Variants in DGKG observed in about 807,000 individuals in gnomAD.
DGKG encodes the protein diacylglycerol kinase gamma, also known as DAG kinase gamma.
In DGKG, 78 loss-of-function variants were observed where a neutral mutation model predicts 105.3. The observed-to-expected ratio is 0.74, with a 90% CI of 0.62 to 0.89. DGKG has a LOEUF of 0.89. Among genes scored for constraint, DGKG ranks in the 40% least tolerant of loss-of-function variants. The probability of loss-of-function intolerance (pLI) is 0.00; values close to 1 mark genes in which losing one functional copy is unlikely to be tolerated. For missense variants in DGKG, 958 were observed against 1,020.1 expected (o/e 0.94, Z 0.83); for synonymous variants, 346 against 367.1 (o/e 0.94, Z 0.66).
At chr3:186,173,381 C>G (rs1716921447) in intron 22 of DGKG, among the ~76,000 whole-genome samples, 1 of 152,250 alleles carries the variant, frequency 6.6e-6, no homozygotes, top group African/African-American at 2.4e-5. Flanking sequence ...GAGAAGCTGA[C>G]AAGCGCTGGG....
intron 22 of DGKG, among the ~76,000 whole-genome samples, chr3:186,181,948 G>T (rs1379351834): frequency 6.6e-6 from 1 of 152,238 alleles, no homozygotes; most frequent in Non-Finnish European, 1.5e-5. Flanking sequence ...TATGCAGGAA[G>T]CCTCTGCATT....
chr3:186,198,951 G>A (rs186708855), intron 21 of DGKG, among the ~76,000 whole-genome samples: 25 of 152,172 alleles, frequency 1.6e-4, no homozygotes, highest in Non-Finnish European at 3.2e-4. Context: ...AGACAGTCCA[G>A]TATTTTTTTT....
intron 22 of DGKG, among the ~76,000 whole-genome samples, chr3:186,183,827 C>T (rs543875489): frequency 6.6e-6 from 1 of 152,260 alleles, no homozygotes; most frequent in African/African-American, 2.4e-5. Context: ...GCCTCAGCCT[C>T]CTGAGTAGCT....
At chr3:186,161,550 A>G in intron 24 of DGKG, 53 bp downstream of exon 24, 2 of 1,613,008 alleles carry the variant, frequency 1.2e-6, no homozygotes, top group Non-Finnish European at 8.5e-7. Context: ...AGTGCCCAAA[A>G]GGGCTCAAAA....
At position 186,223,011 on chromosome 3, in the gene DGKG, CTATA is replaced by C. The variant is rs55753193; in HGVS notation, c.1827-11130_1827-11127del. Among the ~76,000 whole-genome samples the C allele has an allele frequency of 6.8e-4, 55 of 80,456 alleles. 4 individuals carry two copies. Among genetic ancestry groups the C allele is most frequent in the Middle Eastern group, 5.6e-3 (1 of 180 alleles). The allele number at this position is 80,456 out of a possible 152,430, so 52.8% of individuals were successfully genotyped here. ...AAGAATACACACACGTGTATGTATA[CTATA>C]TATATATATATATATATATGTCTCA... On this transcript the variant is annotated intron_variant, in intron 20 of 24. Coordinates refer to ENST00000265022, the MANE Select transcript of DGKG (RefSeq NM_001346.3).
Position 186,293,421 on chromosome 3 carries a change from T to A in DGKG, c.373+4000A>T, listed in dbSNP as rs192735890. On this transcript the variant is annotated intron_variant, in intron 5 of 24. Coordinates refer to ENST00000265022, the MANE Select transcript of DGKG (RefSeq NM_001346.3). ...AAATACTGGGGGACTTTCCTTGAGA[T>A]TTCAATATTCCAAGTCGCTGAAACA... 3.8e-3 allele frequency among the ~76,000 whole-genome samples: 580 copies of A among 152,312 alleles called. 5 individuals carry two copies. Among genetic ancestry groups the A allele is most frequent in the African/African-American group, 0.013 (524 of 41,560 alleles).
In DGKG at chr3:186,296,689, A is replaced by G. The variant is rs559022852; in HGVS notation, c.373+732T>C. Reference sequence around the variant, plus strand: ...CAGGACCACTGTGTCCTCTCTCTCTATAGGAAAGACTGCAGGAGTTTTGAG... The same window carrying G: ...CAGGACCACTGTGTCCTCTCTCTCTGTAGGAAAGACTGCAGGAGTTTTGAG... On this transcript the variant is annotated intron_variant, in intron 5 of 24. Transcript: ENST00000265022. Among the ~76,000 whole-genome samples the G allele has an allele frequency of 1.6e-4, 25 of 152,296 alleles. No homozygotes were observed. The South Asian group carries it at 3.9e-3, about 24-fold the overall frequency.
chr3:186,349,061 C>T (rs1212394581), intron 1 of DGKG, among the ~76,000 whole-genome samples: 2 of 151,166 alleles, frequency 1.3e-5, no homozygotes, highest in Non-Finnish European at 2.9e-5. Context: ...ACACATGTGT[C>T]ACGGTAAATT....
chr3:186,311,613 G>A (rs78046519), intron 2 of DGKG, among the ~76,000 whole-genome samples: 2,486 of 152,268 alleles, frequency 0.016, 32 homozygotes, highest in South Asian at 0.036. Context: ...CCTAAACCAA[G>A]CACTGTTCCT....
intron 19 of DGKG, among the ~76,000 whole-genome samples, chr3:186,246,048 T>C (rs1005382745): frequency 2.0e-5 from 3 of 152,232 alleles, no homozygotes; most frequent in African/African-American, 7.2e-5. Flanking sequence ...CTCAGCTCAC[T>C]GCAAGCTCTG....
intron 1 of DGKG, among the ~76,000 whole-genome samples, chr3:186,346,683 C>T (rs1560166260): frequency 1.6e-5 from 2 of 128,520 alleles, no homozygotes; most frequent in African/African-American, 9.0e-5. Context: ...ATACTATACT[C>T]AGTTTTATTT....
At chr3:186,229,456 G>A (rs1266623723) in intron 20 of DGKG, among the ~76,000 whole-genome samples, 1 of 152,050 alleles carries the variant, frequency 6.6e-6, no homozygotes, top group African/African-American at 2.4e-5. Flanking sequence ...TGTTGGCCAG[G>A]CTGGTCTTGA....
intron 2 of DGKG, among the ~76,000 whole-genome samples, chr3:186,308,041 T>C (rs1259747245): frequency 3.3e-5 from 5 of 152,178 alleles, no homozygotes; most frequent in Non-Finnish European, 7.3e-5. Flanking sequence ...AGCCAGAAGA[T>C]TTTCCTCTGA....
intron 2 of DGKG, among the ~76,000 whole-genome samples, chr3:186,318,334 G>C (rs1013594830): frequency 6.6e-6 from 1 of 152,136 alleles, no homozygotes; most frequent in African/African-American, 2.4e-5. Flanking sequence ...TAGTGGGTGT[G>C]TTATCACCAT....
chr3:186,267,916 C>T (rs1015682190), intron 12 of DGKG, 139 bp from the exon 13 acceptor site: 1 of 733,712 alleles, frequency 1.4e-6, no homozygotes. Flanking sequence ...GACAGTATTG[C>T]CGTGTGTGTG....
chr3:186,182,047 G>A (rs1717383765), intron 22 of DGKG, among the ~76,000 whole-genome samples: 1 of 152,234 alleles, frequency 6.6e-6, no homozygotes, highest in Non-Finnish European at 1.5e-5. Flanking sequence ...CCAGCCTTGT[G>A]CCATGCCCTT....
At chr3:186,179,954 G>A (rs1208837368) in intron 22 of DGKG, among the ~76,000 whole-genome samples, 1 of 152,204 alleles carries the variant, frequency 6.6e-6, no homozygotes, top group Non-Finnish European at 1.5e-5. Context: ...TGCTCCATGT[G>A]CCCCTGACTG....
At chr3:186,343,633 C>T (rs1726191843) in intron 1 of DGKG, among the ~76,000 whole-genome samples, 1 of 152,172 alleles carries the variant, frequency 6.6e-6, no homozygotes, top group African/African-American at 2.4e-5. Context: ...ATTCCACAAA[C>T]TATCAACAGC....
chr3:186,159,848 A>T (rs559177497), intron 24 of DGKG: 1 of 152,278 alleles, frequency 6.6e-6, no homozygotes, highest in Non-Finnish European at 1.5e-5. Flanking sequence ...ATGAGGTCAC[A>T]AGGGGCGGGG....
Sources: gnomAD v4.1 joint callset for allele counts (sites outside exome capture counted in the v4.1 genomes callset) on GRCh38, gnomAD v4.1.1 for gene constraint, MANE v1.5 for transcripts, NCBI Gene and HGNC (gene_info 2026-07-23, HGNC 2026-07-21) for gene names.